Variants in KIAA0232 observed in about 807,000 individuals in gnomAD.
The protein encoded by KIAA0232 is uncharacterized protein KIAA0232.
In KIAA0232, 27 loss-of-function variants were observed where a neutral mutation model predicts 122.0. The ratio of observed to expected loss-of-function variants is 0.22; its 90% CI spans 0.16 to 0.31. The LOEUF (loss-of-function observed/expected upper bound fraction) is 0.31. KIAA0232 is among the 10% of genes least tolerant of loss of function. KIAA0232 has a pLI of 1.00. For synonymous variants in KIAA0232, 613 were observed against 587.6 expected, an observed-to-expected ratio of 1.04 and a Z score of -0.63; for missense variants, 1,551 against 1,634.2, an observed-to-expected ratio of 0.95 and a Z score of 0.88.
intron 4 of KIAA0232, among the ~76,000 whole-genome samples, chr4:6,856,642 TTC>T (rs545163052): frequency 4.6e-4 from 70 of 151,862 alleles, no homozygotes; most frequent in African/African-American, 1.6e-3. Flanking sequence ...TTTTCTGGAC[TTC>T]TGTTGTTTTA....
At chr4:6,783,692 G>A (rs1368781179) in intron 1 of KIAA0232, among the ~76,000 whole-genome samples, 3 of 150,500 alleles carry the variant, frequency 2.0e-5, no homozygotes, top group African/African-American at 4.9e-5. Flanking sequence ...GCGGGGCGCG[G>A]CGCGGGGGGC....
chr4:6,819,368 G>C (rs1209112233), intron 2 of KIAA0232, among the ~76,000 whole-genome samples: 1 of 151,946 alleles, frequency 6.6e-6, no homozygotes, highest in Non-Finnish European at 1.5e-5. Flanking sequence ...ATCTGACACA[G>C]GTCCAATATC....
intron 2 of KIAA0232, among the ~76,000 whole-genome samples, chr4:6,814,866 C>A (rs1424796394): frequency 6.6e-6 from 1 of 152,038 alleles, no homozygotes. Context: ...ATTGTTTTTA[C>A]ATTTTTAATA....
chr4:6,811,684 G>T (rs930450802), intron 2 of KIAA0232, among the ~76,000 whole-genome samples: 5 of 151,078 alleles, frequency 3.3e-5, no homozygotes, highest in African/African-American at 1.2e-4. Flanking sequence ...AGTTCAAACA[G>T]TCCGTCCGCC....
chr4:6,826,712 A>C (rs979722783), intron 3 of KIAA0232, among the ~76,000 whole-genome samples: 8 of 152,138 alleles, frequency 5.3e-5, no homozygotes, highest in Admixed American at 1.3e-4. Context: ...CTAGGCTGGA[A>C]AGAATAGTTT....
At position 6,863,244 on chromosome 4, in the gene KIAA0232, A is replaced by G; in HGVS notation, c.2862A>G (p.Thr954=). Residue 954 remains threonine (T), a synonymous_variant, in exon 7 of 10, where the codon ACA becomes ACG. Transcript: ENST00000307659. ...GEWAVVPPSH[T]KGSLLQCAAS... The stretch of plus-strand genomic sequence containing the variant: ...GGGCAGTCGTACCACCTAGTCACAC[A>G]AAAGGAAGTCTGTTACAGTGTGCAG... The G allele has an allele frequency of 2.5e-6, 4 of 1,614,076 alleles. No individual in the cohort carries two copies. Among genetic ancestry groups the G allele is most frequent in the Non-Finnish European group, 3.4e-6 (4 of 1,180,030 alleles).
chr4:6,866,646 C>A (rs1480694012), intron 7 of KIAA0232, among the ~76,000 whole-genome samples: 4 of 152,126 alleles, frequency 2.6e-5, no homozygotes, highest in African/African-American at 9.7e-5. Flanking sequence ...CAGTAGAACC[C>A]CATCTGTTTC....
chr4:6,881,089 G>A lies in KIAA0232; in HGVS notation c.*123G>A, dbSNP rs544555615. The A allele has an allele frequency of 1.4e-5, 9 of 661,762 alleles. No individual in the cohort carries two copies. The South Asian group carries it at 2.9e-4, about 21-fold the overall frequency. The allele number at this position is 661,762 out of a possible 1,614,324, so 41.0% of individuals were successfully genotyped here. On this transcript the variant is annotated 3_prime_UTR_variant, in exon 10 of 10. Coordinates refer to ENST00000307659, the MANE Select transcript of KIAA0232 (RefSeq NM_014743.3). ...CTCTTCAATTAACTGATTCAGATTG[G>A]TAATAATTATCTTTCTCTTCTTGCT...
At chr4:6,875,649 C>T (rs576503283) in intron 8 of KIAA0232, among the ~76,000 whole-genome samples, 2 of 152,296 alleles carry the variant, frequency 1.3e-5, no homozygotes, top group East Asian at 1.9e-4. Flanking sequence ...CATGTCATCT[C>T]GTCAAACTAC....
intron 4 of KIAA0232, among the ~76,000 whole-genome samples, chr4:6,853,498 G>A (rs554736748): frequency 6.6e-6 from 1 of 152,270 alleles, no homozygotes; most frequent in African/African-American, 2.4e-5. Context: ...GTTAACCCTG[G>A]GGTGAAATTT....
chr4:6,878,379 T>TCATATATATATACATACATA (rs57525303), intron 9 of KIAA0232, among the ~76,000 whole-genome samples: 1 of 149,318 alleles, frequency 6.7e-6, no homozygotes, highest in Admixed American at 6.6e-5. Flanking sequence ...CATCATTCAT[T>TCATATATATATACATACATA]CATACATACA....
At chr4:6,787,223 T>G (rs1033910960) in intron 1 of KIAA0232, among the ~76,000 whole-genome samples, 6 of 151,940 alleles carry the variant, frequency 3.9e-5, no homozygotes, top group African/African-American at 1.5e-4. Flanking sequence ...GAAGTATAAT[T>G]TAATTCCCAA....
intron 9 of KIAA0232, among the ~76,000 whole-genome samples, chr4:6,879,291 A>G (rs1721929234): frequency 6.6e-6 from 1 of 152,148 alleles, no homozygotes; most frequent in African/African-American, 2.4e-5. Context: ...GCAAAATAGG[A>G]AAGTGAAGCA....
chr4:6,834,262 T>C (rs1180569656), intron 3 of KIAA0232, among the ~76,000 whole-genome samples: 2 of 152,190 alleles, frequency 1.3e-5, no homozygotes, highest in Non-Finnish European at 2.9e-5. Context: ...GTACAAATTA[T>C]GTGCATATCT....
chr4:6,819,022 A>T lies in KIAA0232; in HGVS notation c.-269-5163A>T, dbSNP rs181046212. ...ATGGTCCTGGAATAGCTTACTAGCCATATGCAGAGGAATGAAAATGGACCC... is the reference window on the plus strand; with the variant it reads ...ATGGTCCTGGAATAGCTTACTAGCCTTATGCAGAGGAATGAAAATGGACCC... On this transcript the variant is annotated intron_variant, in intron 2 of 9. Transcript: ENST00000307659. 5.9e-5 allele frequency among the ~76,000 whole-genome samples: 9 copies of T among 152,320 alleles called. No homozygotes were observed. In the East Asian group the frequency reaches 1.7e-3, roughly 29 times the overall value.
chr4:6,868,201 T>G (rs977774757), intron 7 of KIAA0232, among the ~76,000 whole-genome samples: 1 of 152,240 alleles, frequency 6.6e-6, no homozygotes, highest in South Asian at 2.1e-4. Context: ...TTTCTCAATT[T>G]TACATCTGTT....
intron 4 of KIAA0232, among the ~76,000 whole-genome samples, chr4:6,847,862 T>TA (rs5855933): frequency 0.79 from 118,141 of 148,904 alleles, 47,520 homozygotes; most frequent in Non-Finnish European, 0.89. Flanking sequence ...ATTTCCCCCT[T>TA]AAAAAAAAAA....
chr4:6,841,310 T>C (rs1056140312), intron 3 of KIAA0232, among the ~76,000 whole-genome samples: 2 of 152,202 alleles, frequency 1.3e-5, no homozygotes, highest in African/African-American at 4.8e-5. Flanking sequence ...AAAGGAAATT[T>C]CTTTATCTCA....
At chr4:6,799,684 GT>G (rs889269165) in intron 1 of KIAA0232, among the ~76,000 whole-genome samples, 3 of 151,768 alleles carry the variant, frequency 2.0e-5, no homozygotes, top group East Asian at 1.9e-4. Flanking sequence ...GATTAGTTGG[GT>G]TTTTTTGTTT....
Sources: gnomAD v4.1 joint callset for allele counts (sites outside exome capture counted in the v4.1 genomes callset) on GRCh38, gnomAD v4.1.1 for gene constraint, MANE v1.5 for transcripts, NCBI Gene and HGNC (gene_info 2026-07-23, HGNC 2026-07-21) for gene names.